Variants in SNAP91 observed in about 807,000 individuals in gnomAD.
SNAP91 encodes clathrin coat assembly protein AP180.
In SNAP91, 27 loss-of-function variants were observed where a neutral mutation model predicts 100.3. The ratio of observed to expected loss-of-function variants is 0.27; its 90% CI spans 0.20 to 0.37. The LOEUF (loss-of-function observed/expected upper bound fraction) is 0.37, where lower values mean the gene tolerates loss of function less well. Ranked by LOEUF, SNAP91 falls within the 10% of genes least tolerant of loss-of-function variation. The pLI is 1.00. For missense variants in SNAP91, 986 were observed against 1,123.7 expected (o/e 0.88, Z 1.75); for synonymous variants, 404 against 398.6 (o/e 1.01, Z -0.16).
chr6:83,671,875 T>C (rs2098792540), intron 2 of SNAP91, among the ~76,000 whole-genome samples: 1 of 152,092 alleles, frequency 6.6e-6, no homozygotes. Flanking sequence ...AGGGCCCTTG[T>C]TATCTGTTGC....
chr6:83,556,344 A>AGAGAGG (rs1562070782), intron 28 of SNAP91, 99 bp from the exon 29 acceptor site: 1 of 50,634 alleles, frequency 2.0e-5, no homozygotes, highest in Non-Finnish European at 4.4e-5. Context: ...GGAGAGGGGG[A>AGAGAGG]GAGAGAGAGA....
At position 83,610,730 on chromosome 6, in the gene SNAP91, TATATATATATATATATAA is replaced by T. The variant is rs1314363296; in HGVS notation, c.885-71_885-54del. The T allele has an allele frequency of 4.8e-3, 1,003 of 210,978 alleles. 16 individuals are homozygous for T. Among genetic ancestry groups the T allele is most frequent in the African/African-American group, 0.033 (790 of 23,748 alleles). The allele number at this position is 210,978 out of a possible 1,614,324, so 13.1% of individuals were successfully genotyped here. On this transcript the variant is annotated intron_variant, in intron 11 of 29. Coordinates refer to ENST00000369694, the MANE Select transcript of SNAP91 (RefSeq NM_001242792.2). ...AACTGAATATATATATATATATATA[TATATATATATATATATAA>T]ATATATATGTGAATATATTTGTAGA...
chr6:83,568,005 A>G (rs1256695211), intron 26 of SNAP91, among the ~76,000 whole-genome samples: 23 of 151,620 alleles, frequency 1.5e-4, no homozygotes, highest in Non-Finnish European at 1.6e-4. Flanking sequence ...CTATATACCC[A>G]AAGGATTATA....
At chr6:83,572,235 G>A (rs1228499985) in intron 26 of SNAP91, among the ~76,000 whole-genome samples, 1 of 151,864 alleles carries the variant, frequency 6.6e-6, no homozygotes, top group Admixed American at 6.6e-5. Flanking sequence ...CCTAACTCAG[G>A]CTCTAAACGT....
chr6:83,580,244 C>T (rs1364105474), intron 24 of SNAP91, among the ~76,000 whole-genome samples: 2 of 151,990 alleles, frequency 1.3e-5, no homozygotes, highest in South Asian at 2.1e-4. Flanking sequence ...GGGTATTGCT[C>T]GTGAGCCAAT....
chr6:83,558,066 T>A (rs1409040306), intron 28 of SNAP91, among the ~76,000 whole-genome samples: 1 of 152,074 alleles, frequency 6.6e-6, no homozygotes, highest in Non-Finnish European at 1.5e-5. Flanking sequence ...CTATTTTTCA[T>A]TTTCATTCTT....
At position 83,580,536 on chromosome 6, in the gene SNAP91, A is replaced by C. The variant is rs1318449306; in HGVS notation, c.2213T>G (p.Val738Gly). ...TGCAGGACTGGGTGGTACCATTGAG[A>C]CAGGTGCAGGCTGCCCAGCTGGTGC... Reference protein sequence around the residue: ...TMAPAGQPAPVSMVPPSPAMA... With the variant: ...TMAPAGQPAPGSMVPPSPAMA... Residue 738 changes from valine (V) to glycine (G), a missense_variant, in exon 24 of 30, where the codon GTC becomes GGC. By Grantham distance (109) the Val-to-Gly change is moderately radical. This residue lies in a region of SNAP91 where 575 missense variants were observed against 579.9 expected (regional missense o/e 0.99). Coordinates refer to ENST00000369694, the MANE Select transcript of SNAP91 (RefSeq NM_001242792.2). 1.9e-6 allele frequency: 3 copies of C among 1,613,862 alleles called. No homozygotes were observed. The Admixed American group carries it at 5.0e-5, about 27-fold the overall frequency.
intron 4 of SNAP91, 141 bp from the exon 5 acceptor site, chr6:83,661,745 A>C: frequency 2.3e-6 from 1 of 438,850 alleles, no homozygotes; most frequent in East Asian, 3.4e-5. Context: ...GATCTCATTT[A>C]AAATCCTGCT....
intron 25 of SNAP91, 90 bp from the exon 26 acceptor site, chr6:83,575,211 G>C (rs1816298980): frequency 6.6e-6 from 6 of 904,854 alleles, no homozygotes; most frequent in Non-Finnish European, 1.0e-5. Context: ...TTTTATTTGG[G>C]TTTAAAAGCA....
At chr6:83,613,352 A>G (rs2096273084) in intron 11 of SNAP91, among the ~76,000 whole-genome samples, 1 of 152,246 alleles carries the variant, frequency 6.6e-6, no homozygotes, top group South Asian at 2.1e-4. Flanking sequence ...TTTTTATATT[A>G]GAATATGTTC....
At chr6:83,700,230 A>G (rs909641964) in intron 2 of SNAP91, among the ~76,000 whole-genome samples, 1 of 152,176 alleles carries the variant, frequency 6.6e-6, no homozygotes, top group South Asian at 2.1e-4. Flanking sequence ...CTAATCACTA[A>G]AAGAACAGAA....
chr6:83,591,118 A>T (rs996106788), intron 22 of SNAP91, 93 bp downstream of exon 22: 1 of 823,674 alleles, frequency 1.2e-6, no homozygotes, highest in Non-Finnish European at 2.0e-6. Flanking sequence ...AAAAGAAAAC[A>T]TGCACCCTGC....
chr6:83,650,744 G>A (rs377230690), intron 7 of SNAP91, among the ~76,000 whole-genome samples: 40 of 152,262 alleles, frequency 2.6e-4, no homozygotes, highest in African/African-American at 9.4e-4. Flanking sequence ...AATGTCTTTG[G>A]TTTTGAGGTT....
chr6:83,663,261 G>C (rs1465836051), intron 3 of SNAP91, among the ~76,000 whole-genome samples: 1 of 152,070 alleles, frequency 6.6e-6, no homozygotes, highest in African/African-American at 2.4e-5. Context: ...ATATTCAAAT[G>C]AAAGGAAGAG....
chr6:83,686,235 A>G, intron 2 of SNAP91: 1 of 978,918 alleles, frequency 1.0e-6, no homozygotes, highest in Non-Finnish European at 1.2e-6. Context: ...TGCAAAACAT[A>G]CGAAATTAGA....
At chr6:83,649,026 TA>T (rs1336901738) in intron 7 of SNAP91, among the ~76,000 whole-genome samples, 4 of 152,248 alleles carry the variant, frequency 2.6e-5, no homozygotes, top group African/African-American at 7.2e-5. Context: ...TGTTTTCTTC[TA>T]GAAGCTTTTT....
Position 83,665,419 on chromosome 6 carries a change from GA to G in SNAP91, c.273+19del. The G allele has an allele frequency of 6.2e-7, 1 of 1,602,054 alleles. No individual in the cohort carries two copies. Among genetic ancestry groups the G allele is most frequent in the Non-Finnish European group, 8.5e-7 (1 of 1,174,978 alleles). On this transcript the variant is annotated intron_variant, in intron 3 of 29. Transcript: ENST00000369694. The stretch of plus-strand genomic sequence containing the variant: ...AAGCCTCCTTCCTCCATCAAAAAAA[GA>G]AAAGTTTACTTAGTTTACCTCATTT...
At chr6:83,571,754 G>T (rs771433743) in intron 26 of SNAP91, among the ~76,000 whole-genome samples, 2 of 152,174 alleles carry the variant, frequency 1.3e-5, no homozygotes, top group African/African-American at 2.4e-5. Flanking sequence ...TTTGAAATGT[G>T]AAGATATGAG....
chr6:83,570,155 G>A (rs1367888667), intron 26 of SNAP91, among the ~76,000 whole-genome samples: 4 of 152,110 alleles, frequency 2.6e-5, no homozygotes, highest in African/African-American at 7.2e-5. Flanking sequence ...GGGAATTGGA[G>A]TGAAGGTGAT....
Sources: gnomAD v4.1 joint callset for allele counts (sites outside exome capture counted in the v4.1 genomes callset) on GRCh38, gnomAD v4.1.1 for gene constraint, gnomAD v4.1.1 regional missense constraint, MANE v1.5 for transcripts, NCBI Gene and HGNC (gene_info 2026-07-23, HGNC 2026-07-21) for gene names.